Variants in GRID1 observed in about 807,000 individuals in gnomAD.
The protein encoded by GRID1 is glutamate receptor ionotropic, delta-1.
Under a neutral mutation model 98.0 loss-of-function variants are expected in GRID1, and 28 were observed. The observed-to-expected ratio is 0.29, with a 90% CI of 0.21 to 0.39. The LOEUF (loss-of-function observed/expected upper bound fraction) is 0.39, where lower values mean the gene tolerates loss of function less well. Among genes scored for constraint, GRID1 ranks in the 10% least tolerant of loss-of-function variants. The pLI is 1.00. For synonymous variants in GRID1, 553 were observed against 538.5 expected (o/e 1.03, Z -0.37); for missense variants, 1,111 against 1,340.5 (o/e 0.83, Z 2.67).
At chr10:85,747,599 C>A (rs1842009244) in intron 8 of GRID1, among the ~76,000 whole-genome samples, 1 of 152,152 alleles carries the variant, frequency 6.6e-6, no homozygotes, top group African/African-American at 2.4e-5. Context: ...GACTCTCATT[C>A]ACCCCCAGCA....
chr10:85,826,840 G>C (rs1027207626), intron 8 of GRID1, among the ~76,000 whole-genome samples: 2 of 152,174 alleles, frequency 1.3e-5, no homozygotes, highest in African/African-American at 4.8e-5. Context: ...TCAAGAGTTA[G>C]AGCAGGCAGC....
At chr10:86,262,933 G>T (rs1442980071) in intron 2 of GRID1, among the ~76,000 whole-genome samples, 4 of 99,932 alleles carry the variant, frequency 4.0e-5, no homozygotes, top group Admixed American at 1.0e-4. Flanking sequence ...GGCATCGCCC[G>T]CCCTCCCTCC....
At chr10:86,065,474 C>A (rs1409739513) in intron 4 of GRID1, among the ~76,000 whole-genome samples, 1 of 152,250 alleles carries the variant, frequency 6.6e-6, no homozygotes, top group Non-Finnish European at 1.5e-5. Flanking sequence ...GAGTCCTGGG[C>A]CAGCTCCCAG....
intron 4 of GRID1, among the ~76,000 whole-genome samples, chr10:85,984,770 C>T (rs1842589108): frequency 6.6e-6 from 1 of 152,136 alleles, no homozygotes; most frequent in African/African-American, 2.4e-5. Flanking sequence ...GACAAAAGCA[C>T]ATAGGTACAT....
At chr10:86,115,120 T>C (rs4933383) in intron 4 of GRID1, among the ~76,000 whole-genome samples, 139,266 of 152,188 alleles carry the variant, frequency 0.92, 63,797 homozygotes, top group East Asian at 0.99. Flanking sequence ...TTTGGGGAGA[T>C]GGCGGCTTGT....
intron 2 of GRID1, among the ~76,000 whole-genome samples, chr10:86,310,700 C>T (rs1302104438): frequency 6.6e-6 from 1 of 152,220 alleles, no homozygotes; most frequent in African/African-American, 2.4e-5. Context: ...CCTAGACAGA[C>T]ATGCCTGCTG....
intron 12 of GRID1, among the ~76,000 whole-genome samples, chr10:85,669,804 T>C (rs1444664746): frequency 6.6e-6 from 1 of 152,232 alleles, no homozygotes; most frequent in Non-Finnish European, 1.5e-5. Flanking sequence ...ATTACTAAAA[T>C]GGAAGCTCTT....
chr10:86,005,664 C>A (rs61246659), intron 4 of GRID1, among the ~76,000 whole-genome samples: 6,891 of 152,254 alleles, frequency 0.045, 508 homozygotes, highest in African/African-American at 0.16. Context: ...CATATCCAGA[C>A]TCCTTGATGT....
chr10:86,005,631 G>A (rs1032815861), intron 4 of GRID1, among the ~76,000 whole-genome samples: 4 of 152,310 alleles, frequency 2.6e-5, no homozygotes, highest in African/African-American at 9.6e-5. Context: ...TTTGGTGGGG[G>A]TCATAGTGAT....
chr10:85,984,999 T>C (rs879494775), intron 4 of GRID1, among the ~76,000 whole-genome samples: 1 of 152,170 alleles, frequency 6.6e-6, no homozygotes, highest in Non-Finnish European at 1.5e-5. Context: ...TAATACCTTG[T>C]TGTGGAGGGT....
At chr10:85,724,769 G>GCCACC (rs1841744054) in intron 10 of GRID1, 93 bp from the exon 11 acceptor site, 1 of 976,526 alleles carries the variant, frequency 1.0e-6, no homozygotes, top group African/African-American at 1.6e-5. Flanking sequence ...CCTTTGAGTT[G>GCCACC]CTCTGTTCAG....
At chr10:86,183,112 T>C (rs1479489830) in intron 3 of GRID1, among the ~76,000 whole-genome samples, 7 of 152,204 alleles carry the variant, frequency 4.6e-5, no homozygotes, top group Non-Finnish European at 5.9e-5. Flanking sequence ...GCGGTCTTTC[T>C]TTCCCTATCC....
intron 4 of GRID1, among the ~76,000 whole-genome samples, chr10:85,934,439 C>G (rs1841899610): frequency 6.6e-6 from 1 of 150,978 alleles, no homozygotes. Context: ...CACACACACA[C>G]ACACACACAC....
chr10:86,343,195 A>T (rs1485421787), intron 2 of GRID1, among the ~76,000 whole-genome samples: 1 of 151,862 alleles, frequency 6.6e-6, no homozygotes, highest in African/African-American at 2.4e-5. Context: ...ACAGAACAGA[A>T]CCTCCCAGTT....
At chr10:86,093,521 T>C (rs992731539) in intron 4 of GRID1, among the ~76,000 whole-genome samples, 4 of 152,016 alleles carry the variant, frequency 2.6e-5, no homozygotes, top group African/African-American at 9.7e-5. Flanking sequence ...ACAGTAGATA[T>C]TACAACTGAT....
At chr10:85,784,679 G>A (rs1332914639) in intron 8 of GRID1, among the ~76,000 whole-genome samples, 1 of 152,206 alleles carries the variant, frequency 6.6e-6, no homozygotes, top group Non-Finnish European at 1.5e-5. Flanking sequence ...TCACAGTACA[G>A]CAAGGAGCCC....
At chr10:86,290,603 A>G (rs1847498031) in intron 2 of GRID1, among the ~76,000 whole-genome samples, 1 of 152,194 alleles carries the variant, frequency 6.6e-6, no homozygotes, top group African/African-American at 2.4e-5. Context: ...CAGTGAGCCA[A>G]GATCATGACA....
At chr10:85,940,011 G>A (rs755042675) in intron 4 of GRID1, among the ~76,000 whole-genome samples, 5 of 147,224 alleles carry the variant, frequency 3.4e-5, no homozygotes, top group Non-Finnish European at 7.4e-5. Flanking sequence ...AGGTTGCAGT[G>A]AGCAGAGATT....
intron 4 of GRID1, among the ~76,000 whole-genome samples, chr10:86,124,408 C>T (rs934084004): frequency 6.6e-6 from 1 of 152,194 alleles, no homozygotes; most frequent in East Asian, 1.9e-4. Flanking sequence ...AGCCTCAGGA[C>T]CACATGACAT....
Sources: gnomAD v4.1 joint callset for allele counts (sites outside exome capture counted in the v4.1 genomes callset) on GRCh38, gnomAD v4.1.1 for gene constraint, MANE v1.5 for transcripts, NCBI Gene and HGNC (gene_info 2026-07-23, HGNC 2026-07-21) for gene names.